The following NLGN1 variants were observed in gnomAD, a reference collection of about 807,000 sequenced individuals.
NLGN1 encodes neuroligin-1.
A neutral mutation model predicts 65.5 loss-of-function variants in NLGN1; 12 were observed. That is an observed-to-expected ratio of 0.18 (90% CI 0.12 to 0.30). The LOEUF (loss-of-function observed/expected upper bound fraction) is 0.30, where lower values mean the gene tolerates loss of function less well. NLGN1 is among the 10% of genes least tolerant of loss of function. NLGN1 has a pLI of 1.00. For synonymous variants in NLGN1, 350 were observed against 359.5 expected (o/e 0.97, Z 0.30); for missense variants, 750 against 1,007.1 (o/e 0.74, Z 3.46).
At chr3:174,139,032 A>C (rs916008483) in intron 4 of NLGN1, among the ~76,000 whole-genome samples, 4 of 152,296 alleles carry the variant, frequency 2.6e-5, no homozygotes, top group African/African-American at 9.6e-5. Flanking sequence ...CCAGTTACAA[A>C]ATATTTTGTA....
chr3:174,150,466 C>T (rs1019594894), intron 4 of NLGN1, among the ~76,000 whole-genome samples: 1 of 152,050 alleles, frequency 6.6e-6, no homozygotes, highest in Non-Finnish European at 1.5e-5. Flanking sequence ...TTGTAACAAA[C>T]AAAAATGTCC....
At chr3:173,434,889 T>C (rs247977) in intron 1 of NLGN1, 51,989 of 152,466 alleles carry the variant, frequency 0.34, 9,041 homozygotes, top group Middle Eastern at 0.46. Context: ...GGTCATTTGG[T>C]CTAATGTAAA....
At chr3:174,026,365 A>C (rs954358725) in intron 4 of NLGN1, among the ~76,000 whole-genome samples, 12 of 152,286 alleles carry the variant, frequency 7.9e-5, no homozygotes, top group African/African-American at 2.2e-4. Flanking sequence ...GGTTCAAGCA[A>C]TCTGCCCATT....
intron 3 of NLGN1, among the ~76,000 whole-genome samples, chr3:173,749,679 A>T (rs1188837551): frequency 6.6e-6 from 1 of 152,120 alleles, no homozygotes; most frequent in African/African-American, 2.4e-5. Context: ...CCAAAAAAAA[A>T]ATAATATTAA....
rs1321429836 is a variant in NLGN1, at chr3:173,695,891, G to A, written c.493+90800G>A. ...ATTGGTGCTATCATGGCTCACTGCA[G>A]CCTCGACCTCCTGGGCTTAAGCAGA... On this transcript the variant is annotated intron_variant, in intron 3 of 6. Transcript: ENST00000457714. Among the ~76,000 whole-genome samples, 3 of 152,200 alleles carry A rather than the reference G, an allele frequency of 2.0e-5. No homozygotes were observed. The East Asian group carries it at 5.8e-4, about 29-fold the overall frequency.
At chr3:173,538,873 GT>G (rs34863294) in intron 2 of NLGN1, among the ~76,000 whole-genome samples, 45 of 146,160 alleles carry the variant, frequency 3.1e-4, no homozygotes, top group Non-Finnish European at 4.5e-4. Flanking sequence ...TATCTTCATG[GT>G]TTTTTTTTTT....
intron 4 of NLGN1, among the ~76,000 whole-genome samples, chr3:174,144,786 G>T (rs1358020782): frequency 6.6e-6 from 1 of 152,092 alleles, no homozygotes; most frequent in Non-Finnish European, 1.5e-5. Flanking sequence ...TAAGTTCCTT[G>T]TAGATTCTGG....
At chr3:173,702,395 A>G (rs1767363473) in intron 3 of NLGN1, among the ~76,000 whole-genome samples, 1 of 126,124 alleles carries the variant, frequency 7.9e-6, no homozygotes, top group African/African-American at 3.5e-5. Context: ...TAGTGAATCA[A>G]TGAGACATGG....
At chr3:173,467,633 A>G (rs948676756) in intron 2 of NLGN1, among the ~76,000 whole-genome samples, 29 of 152,154 alleles carry the variant, frequency 1.9e-4, no homozygotes, top group Admixed American at 1.8e-3. Flanking sequence ...ATAATGATTC[A>G]GTCATCATCA....
intron 4 of NLGN1, among the ~76,000 whole-genome samples, chr3:173,810,622 G>A (rs1387251674): frequency 6.6e-6 from 1 of 152,108 alleles, no homozygotes; most frequent in Admixed American, 6.5e-5. Context: ...AATCTTACAA[G>A]TTTTGTTTTT....
intron 4 of NLGN1, among the ~76,000 whole-genome samples, chr3:174,043,847 G>C (rs1732909351): frequency 6.6e-6 from 1 of 152,178 alleles, no homozygotes; most frequent in African/African-American, 2.4e-5. Flanking sequence ...TGGAGTCTTT[G>C]ACACCCCTAT....
At chr3:173,858,396 A>G (rs570224272) in intron 4 of NLGN1, among the ~76,000 whole-genome samples, 1 of 152,138 alleles carries the variant, frequency 6.6e-6, no homozygotes, top group Admixed American at 6.6e-5. Context: ...AATTTCAGAC[A>G]GTTTTTTTCA....
At chr3:174,265,760 A>C (rs1747984405) in intron 4 of NLGN1, among the ~76,000 whole-genome samples, 1 of 129,830 alleles carries the variant, frequency 7.7e-6, no homozygotes, top group Non-Finnish European at 1.6e-5. Context: ...AAAACTAAGA[A>C]GGCTATATAT....
At chr3:174,100,555 C>G (rs151245225) in intron 4 of NLGN1, among the ~76,000 whole-genome samples, 1 of 151,952 alleles carries the variant, frequency 6.6e-6, no homozygotes, top group African/African-American at 2.4e-5. Context: ...GATGTATAAC[C>G]CAACTTCTCC....
intron 4 of NLGN1, among the ~76,000 whole-genome samples, chr3:174,144,862 C>T (rs1483226855): frequency 6.6e-6 from 1 of 152,130 alleles, no homozygotes; most frequent in Non-Finnish European, 1.5e-5. Flanking sequence ...TGGCTGTTCA[C>T]TCTAATGATA....
At chr3:173,765,925 C>T (rs1362009354) in intron 3 of NLGN1, among the ~76,000 whole-genome samples, 5 of 152,202 alleles carry the variant, frequency 3.3e-5, no homozygotes, top group Admixed American at 6.5e-5. Flanking sequence ...CTCCTCTATC[C>T]CTTATATCCT....
At chr3:174,065,665 T>C (rs181246753) in intron 4 of NLGN1, among the ~76,000 whole-genome samples, 3 of 152,182 alleles carry the variant, frequency 2.0e-5, no homozygotes, top group Admixed American at 6.6e-5. Context: ...TTGCTTCTAG[T>C]GAATAGAATA....
chr3:173,729,137 T>C (rs1298904710), intron 3 of NLGN1, among the ~76,000 whole-genome samples: 1 of 152,044 alleles, frequency 6.6e-6, no homozygotes, highest in Non-Finnish European at 1.5e-5. Context: ...CTGGTAGTAA[T>C]TTTTGAAACC....
At chr3:173,499,323 A>G (rs1410723153) in intron 2 of NLGN1, among the ~76,000 whole-genome samples, 4 of 151,708 alleles carry the variant, frequency 2.6e-5, no homozygotes, top group Middle Eastern at 3.2e-3. Context: ...TCCTTTCCCC[A>G]TTGCTTGTTT....
Sources: allele counts gnomAD v4.1 joint callset (sites outside exome capture counted in the v4.1 genomes callset), GRCh38; gene constraint gnomAD v4.1.1; transcripts MANE v1.5; gene names NCBI Gene and HGNC (gene_info 2026-07-23, HGNC 2026-07-21).